Variants in MTUS2 observed in about 807,000 individuals in gnomAD.
The protein encoded by MTUS2 is microtubule-associated tumor suppressor candidate 2.
Under a neutral mutation model 114.1 loss-of-function variants are expected in MTUS2, and 40 were observed. That is an observed-to-expected ratio of 0.35 (90% CI 0.27 to 0.46). MTUS2 has a LOEUF of 0.46. MTUS2 is among the 20% of genes least tolerant of loss of function. The pLI is 1.00. For synonymous variants in MTUS2, 688 were observed against 672.0 expected, an observed-to-expected ratio of 1.02 and a Z score of -0.37; for missense variants, 1,679 against 1,705.4, an observed-to-expected ratio of 0.98 and a Z score of 0.27.
intron 5 of MTUS2, among the ~76,000 whole-genome samples, chr13:29,203,450 C>A (rs867512003): frequency 5.3e-5 from 8 of 151,588 alleles, no homozygotes; most frequent in African/African-American, 1.9e-4. Context: ...TGCTGGGCTC[C>A]GTGGGGGTGG....
At chr13:29,296,381 A>AT (rs543110006) in intron 6 of MTUS2, among the ~76,000 whole-genome samples, 21 of 149,480 alleles carry the variant, frequency 1.4e-4, no homozygotes, top group Admixed American at 2.7e-4. Flanking sequence ...ATTAAAAAAA[A>AT]TTTTTTTTTT....
rs1886439399 is a variant in MTUS2, at chr13:29,024,839, T to C, written c.141T>C (p.Ser47=). The C allele has an allele frequency of 6.2e-6, 10 of 1,614,010 alleles. No homozygotes were observed. Among genetic ancestry groups the C allele is most frequent in the Non-Finnish European group, 8.5e-6 (10 of 1,179,886 alleles). ...ANQIMLEVSS[S]HDESKTCDLG... ...AAATCATGTTGGAGGTCAGCTCCTC[T>C]CATGACGAGTCCAAGACATGTGACC... Residue 47 remains serine (S), a synonymous_variant, in exon 3 of 16, where the codon TCT becomes TCC. Transcript: ENST00000612955.
At chr13:29,375,034 T>C (rs1871469751) in intron 8 of MTUS2, among the ~76,000 whole-genome samples, 1 of 152,160 alleles carries the variant, frequency 6.6e-6, no homozygotes, top group Non-Finnish European at 1.5e-5. Context: ...AAGAAATTGC[T>C]AAGATATGGA....
chr13:29,249,905 C>T (rs942380725), intron 5 of MTUS2, among the ~76,000 whole-genome samples: 2 of 152,186 alleles, frequency 1.3e-5, no homozygotes, highest in African/African-American at 4.8e-5. Context: ...AATGTAAAAT[C>T]CCAAACCATA....
At chr13:28,995,211 A>C (rs1397233591) in intron 2 of MTUS2, among the ~76,000 whole-genome samples, 2 of 152,220 alleles carry the variant, frequency 1.3e-5, no homozygotes, top group Non-Finnish European at 2.9e-5. Context: ...AGATAGTTGC[A>C]GATATGCAGC....
intron 5 of MTUS2, among the ~76,000 whole-genome samples, chr13:29,169,295 A>G (rs1279381048): frequency 6.6e-6 from 1 of 152,224 alleles, no homozygotes; most frequent in African/African-American, 2.4e-5. Context: ...ATTTTATAGA[A>G]TAAAAAGAAG....
intron 2 of MTUS2, among the ~76,000 whole-genome samples, chr13:28,941,418 A>C (rs1882228308): frequency 6.6e-6 from 1 of 152,162 alleles, no homozygotes; most frequent in African/African-American, 2.4e-5. Flanking sequence ...TATTTAGAAC[A>C]ATAACAAATC....
At chr13:29,036,561 C>T (rs550278475) in intron 4 of MTUS2, among the ~76,000 whole-genome samples, 2 of 152,220 alleles carry the variant, frequency 1.3e-5, no homozygotes, top group Admixed American at 1.3e-4. Context: ...TCCTGAATAT[C>T]CTTGTTAATT....
At chr13:28,972,145 A>C (rs893818039) in intron 2 of MTUS2, among the ~76,000 whole-genome samples, 5 of 152,222 alleles carry the variant, frequency 3.3e-5, no homozygotes, top group South Asian at 2.1e-4. Context: ...AGCCATTTTG[A>C]ATACTTCTCA....
At chr13:29,184,373 C>G (rs1020950682) in intron 5 of MTUS2, among the ~76,000 whole-genome samples, 1 of 152,090 alleles carries the variant, frequency 6.6e-6, no homozygotes, top group African/African-American at 2.4e-5. Context: ...ATAGCTTGTT[C>G]TTGAACATCA....
intron 5 of MTUS2, among the ~76,000 whole-genome samples, chr13:29,195,616 A>G (rs1894661064): frequency 6.6e-6 from 1 of 151,218 alleles, no homozygotes; most frequent in African/African-American, 2.4e-5. Flanking sequence ...AAAGATGCAG[A>G]GAGTGTCAAG....
At chr13:29,126,029 G>T (rs1891500031) in intron 5 of MTUS2, among the ~76,000 whole-genome samples, 1 of 152,100 alleles carries the variant, frequency 6.6e-6, no homozygotes, top group African/African-American at 2.4e-5. Context: ...TCAGACTGCT[G>T]TGTTCACTGT....
intron 2 of MTUS2, among the ~76,000 whole-genome samples, chr13:28,987,803 T>A (rs1657549340): frequency 1.3e-5 from 2 of 152,252 alleles, no homozygotes; most frequent in Non-Finnish European, 2.9e-5. Flanking sequence ...ACAATGTGAA[T>A]GTCTTTAATG....
intron 2 of MTUS2, among the ~76,000 whole-genome samples, chr13:28,883,661 A>G (rs545790061): frequency 1.3e-5 from 2 of 152,214 alleles, no homozygotes; most frequent in Admixed American, 1.3e-4. Context: ...GGGTCTGGCT[A>G]TAAAGGGGTA....
At chr13:28,982,400 A>G (rs145198394) in intron 2 of MTUS2, among the ~76,000 whole-genome samples, 2 of 152,204 alleles carry the variant, frequency 1.3e-5, no homozygotes, top group Non-Finnish European at 2.9e-5. Context: ...AAATGGAAAC[A>G]GTTGTGCACC....
At position 29,100,798 on chromosome 13, in the gene MTUS2, A is replaced by T; in HGVS notation, c.2472A>T (p.Ser824=). Residue 824 remains serine, a synonymous_variant, in exon 5 of 16, where the codon TCA becomes TCT. Coordinates refer to ENST00000612955, the MANE Select transcript of MTUS2 (RefSeq NM_001033602.4). Reference sequence around the variant, plus strand: ...CAGATTTAAAGAAAGCTTCCAGTTCAAATGCTGCAAAATCCAATCTCCCGA... The same window carrying T: ...CAGATTTAAAGAAAGCTTCCAGTTCTAATGCTGCAAAATCCAATCTCCCGA... The part of the protein sequence containing the change: ...PSADLKKASS[S]NAAKSNLPKS... 6.4e-7 allele frequency: 1 copy of T among 1,551,686 alleles called. No individual in the cohort carries two copies.
intron 7 of MTUS2, among the ~76,000 whole-genome samples, chr13:29,346,369 G>C (rs979690544): frequency 1.3e-5 from 2 of 152,116 alleles, no homozygotes; most frequent in African/African-American, 4.8e-5. Flanking sequence ...TTGGTAGAGG[G>C]GGCTTCCTGT....
At chr13:29,344,820 A>G (rs763329902) in intron 7 of MTUS2, among the ~76,000 whole-genome samples, 2 of 152,326 alleles carry the variant, frequency 1.3e-5, no homozygotes, top group Non-Finnish European at 2.9e-5. Flanking sequence ...TTCAAGATTT[A>G]TAACTCCCTT....
intron 5 of MTUS2, among the ~76,000 whole-genome samples, chr13:29,231,823 G>A (rs761829052): frequency 1.3e-5 from 2 of 152,044 alleles, no homozygotes; most frequent in African/African-American, 2.4e-5. Context: ...ATCGTATGCT[G>A]TATTCCTTCA....
Sources: gnomAD v4.1 joint callset for allele counts (sites outside exome capture counted in the v4.1 genomes callset) on GRCh38, gnomAD v4.1.1 for gene constraint, MANE v1.5 for transcripts, NCBI Gene and HGNC (gene_info 2026-07-23, HGNC 2026-07-21) for gene names.